Variants in SYCP1 observed in about 807,000 individuals in gnomAD.
SYCP1 encodes the protein synaptonemal complex protein 1.
A neutral mutation model predicts 153.1 loss-of-function variants in SYCP1; 64 were observed. That is an observed-to-expected ratio of 0.42 (90% CI 0.34 to 0.51). SYCP1 has a LOEUF of 0.51. Ranked by LOEUF, SYCP1 falls within the 20% of genes least tolerant of loss-of-function variation. SYCP1 has a pLI of 0.06. For missense variants in SYCP1, 997 were observed against 1,049.0 expected (o/e 0.95, Z 0.68); for synonymous variants, 384 against 341.8 (o/e 1.12, Z -1.36).
chr1:114,948,128 T>C (rs1386640993), intron 27 of SYCP1, among the ~76,000 whole-genome samples: 2 of 152,190 alleles, frequency 1.3e-5, no homozygotes, highest in South Asian at 2.1e-4. Flanking sequence ...TATTTAGATA[T>C]GCTTTTTTTG....
At chr1:114,916,391 G>A (rs1009529766) in intron 20 of SYCP1, among the ~76,000 whole-genome samples, 1 of 151,852 alleles carries the variant, frequency 6.6e-6, no homozygotes, top group Non-Finnish European at 1.5e-5. Context: ...ATGGCTTGAT[G>A]GTTAGTTTCC....
At chr1:114,994,408 G>A (rs562429724) in intron 30 of SYCP1, among the ~76,000 whole-genome samples, 9 of 151,352 alleles carry the variant, frequency 5.9e-5, no homozygotes, top group African/African-American at 1.9e-4. Context: ...AATGCTACTC[G>A]CTATACATGT....
intron 14 of SYCP1, among the ~76,000 whole-genome samples, chr1:114,887,089 G>A (rs1158559008): frequency 1.3e-5 from 2 of 151,954 alleles, no homozygotes; most frequent in Non-Finnish European, 2.9e-5. Flanking sequence ...GCATGGTGAG[G>A]GAAAAGCTAG....
At chr1:114,981,605 T>A in intron 29 of SYCP1, 93 bp downstream of exon 29, 1 of 1,104,126 alleles carries the variant, frequency 9.1e-7, no homozygotes, top group Non-Finnish European at 1.3e-6. Context: ...CGCACACATA[T>A]ATAACTAGTT....
At chr1:114,985,477 T>C (rs1673438683) in intron 30 of SYCP1, among the ~76,000 whole-genome samples, 2 of 151,942 alleles carry the variant, frequency 1.3e-5, no homozygotes, top group Admixed American at 1.3e-4. Context: ...CTTAGATTCA[T>C]TTAATTTTTT....
rs1045920891 is a variant in SYCP1 at position 114,940,141 on chromosome 1, C to T, written c.1927-4198C>T. 4.6e-5 allele frequency among the ~76,000 whole-genome samples: 7 copies of T among 152,116 alleles called. No individual in the cohort carries two copies. In the East Asian group the frequency reaches 1.2e-3, roughly 25 times the overall value. ...AGATGGAGTCTGCCTCTGTCACCCA[C>T]GCTGGAGTGCAGTGGCTGTGATCTC... On this transcript the variant is annotated intron_variant, in intron 23 of 31. Coordinates refer to ENST00000369522, the MANE Select transcript of SYCP1 (RefSeq NM_003176.4).
chr1:114,918,006 A>G (rs1242530564), intron 20 of SYCP1, among the ~76,000 whole-genome samples: 1 of 148,000 alleles, frequency 6.8e-6, no homozygotes, highest in Non-Finnish European at 1.5e-5. Context: ...TGACTTATCT[A>G]TTTTTGCTTT....
chr1:114,947,516 G>C (rs7537557), intron 27 of SYCP1, among the ~76,000 whole-genome samples, 196 bp downstream of exon 27: 9,260 of 151,966 alleles, frequency 0.061, 323 homozygotes, highest in Middle Eastern at 0.14. Flanking sequence ...GTAAATATAA[G>C]TGTACTTTTA....
At chr1:114,977,077 G>A (rs552235574) in intron 27 of SYCP1, among the ~76,000 whole-genome samples, 73 of 151,704 alleles carry the variant, frequency 4.8e-4, no homozygotes, top group Non-Finnish European at 9.3e-4. Flanking sequence ...TTTCCATTCT[G>A]ACCACAGCTC....
At chr1:114,865,351 T>A (rs1664668479) in intron 8 of SYCP1, among the ~76,000 whole-genome samples, 1 of 152,242 alleles carries the variant, frequency 6.6e-6, no homozygotes, top group South Asian at 2.1e-4. Context: ...TTCTGTATTA[T>A]ATCCTGGATT....
chr1:114,993,220 A>G (rs758309985), intron 30 of SYCP1, among the ~76,000 whole-genome samples: 2 of 151,606 alleles, frequency 1.3e-5, no homozygotes, highest in Non-Finnish European at 3.0e-5. Context: ...GTCAGTTGGT[A>G]CACACTGATT....
At chr1:114,964,032 T>C (rs367549370) in intron 27 of SYCP1, among the ~76,000 whole-genome samples, 7 of 152,178 alleles carry the variant, frequency 4.6e-5, no homozygotes, top group South Asian at 4.1e-4. Context: ...CTCTCCAGCA[T>C]CTGTTGTTTC....
chr1:114,932,465 C>T (rs758492162), intron 23 of SYCP1, among the ~76,000 whole-genome samples: 15 of 152,138 alleles, frequency 9.9e-5, no homozygotes, highest in Admixed American at 6.6e-4. Context: ...AGGAACAGCT[C>T]CAGTCTACAG....
chr1:114,855,838 C>T (rs902439679), intron 2 of SYCP1, among the ~76,000 whole-genome samples: 1 of 151,974 alleles, frequency 6.6e-6, no homozygotes, highest in Non-Finnish European at 1.5e-5. Flanking sequence ...GTATTTGATT[C>T]GTGGCAACTT....
intron 23 of SYCP1, among the ~76,000 whole-genome samples, chr1:114,941,152 A>G (rs1021474529): frequency 1.3e-5 from 2 of 152,106 alleles, no homozygotes; most frequent in Non-Finnish European, 2.9e-5. Flanking sequence ...CCCTCCATAT[A>G]TGTGAGTTTC....
chr1:114,895,628 A>G (rs888703579), intron 16 of SYCP1, 119 bp downstream of exon 16: 1 of 501,428 alleles, frequency 2.0e-6, no homozygotes, highest in African/African-American at 2.0e-5. Context: ...GCTAAAATGT[A>G]AAAATTATAT....
chr1:114,954,016 CTA>C (rs1300143294), intron 27 of SYCP1, among the ~76,000 whole-genome samples: 1 of 151,888 alleles, frequency 6.6e-6, no homozygotes, highest in Non-Finnish European at 1.5e-5. Context: ...AAATGTATAT[CTA>C]TTTCATTTCC....
intron 16 of SYCP1, among the ~76,000 whole-genome samples, chr1:114,909,572 A>G (rs1330882033): frequency 6.6e-6 from 1 of 151,150 alleles, no homozygotes; most frequent in African/African-American, 2.4e-5. Context: ...CAGAGTTTAT[A>G]GAAGTTTTCA....
chr1:114,945,046 G>C (rs1024664025), intron 25 of SYCP1, 64 bp downstream of exon 25: 3 of 1,144,592 alleles, frequency 2.6e-6, no homozygotes, highest in Non-Finnish European at 3.7e-6. Context: ...TTAAATAATG[G>C]TGAAATCAAG....
Sources: allele counts gnomAD v4.1 joint callset (sites outside exome capture counted in the v4.1 genomes callset), GRCh38; gene constraint gnomAD v4.1.1; transcripts MANE v1.5; gene names NCBI Gene and HGNC (gene_info 2026-07-23, HGNC 2026-07-21).